Variants in GPM6A observed in about 807,000 individuals in gnomAD.
GPM6A encodes glycoprotein M6A, also known as neuronal membrane glycoprotein M6-a.
A neutral mutation model predicts 32.1 loss-of-function variants in GPM6A; 7 were observed. The observed-to-expected ratio is 0.22, with a 90% CI of 0.12 to 0.41. The LOEUF is 0.41. GPM6A is among the 10% of genes least tolerant of loss of function. The probability of loss-of-function intolerance (pLI) is 1.00; values close to 1 mark genes in which losing one functional copy is unlikely to be tolerated. For missense variants in GPM6A, 235 were observed against 347.2 expected (o/e 0.68, Z 2.57); for synonymous variants, 130 against 123.4 (o/e 1.05, Z -0.35).
At chr4:175,809,268 T>C (rs1734818836) in intron 1 of GPM6A, among the ~76,000 whole-genome samples, 2 of 152,234 alleles carry the variant, frequency 1.3e-5, no homozygotes, top group South Asian at 4.1e-4. Flanking sequence ...CTGTAGTAAC[T>C]GGGGTCCTTG....
chr4:175,850,133 G>A (rs535637391), intron 1 of GPM6A, among the ~76,000 whole-genome samples: 1 of 152,204 alleles, frequency 6.6e-6, no homozygotes, highest in Admixed American at 6.5e-5. Flanking sequence ...CACGAAAGAA[G>A]ACAACCTTCT....
intron 1 of GPM6A, among the ~76,000 whole-genome samples, chr4:175,889,262 T>C (rs565670588): frequency 1.4e-3 from 216 of 152,242 alleles, no homozygotes; most frequent in African/African-American, 5.0e-3. Context: ...AAACAATTTT[T>C]TTAAGACTGA....
upstream of GPM6A, among the ~76,000 whole-genome samples, chr4:175,813,373 C>G (rs1735003735): frequency 6.6e-6 from 1 of 152,172 alleles, no homozygotes; most frequent in Non-Finnish European, 1.5e-5. Context: ...AGTGACAGGG[C>G]ACAGTCCAAG....
chr4:175,910,087 T>A (rs1028628819), intron 1 of GPM6A, among the ~76,000 whole-genome samples: 1 of 152,148 alleles, frequency 6.6e-6, no homozygotes, highest in Non-Finnish European at 1.5e-5. Flanking sequence ...TTCTGTGGCA[T>A]AAATATGTCC....
At chr4:175,833,039 A>C (rs942171165) in intron 1 of GPM6A, among the ~76,000 whole-genome samples, 2 of 152,246 alleles carry the variant, frequency 1.3e-5, no homozygotes, top group Non-Finnish European at 2.9e-5. Context: ...CAGAAAGAAG[A>C]AGCATTTCCA....
At position 175,701,777 on chromosome 4, in the gene GPM6A, A is replaced by G; in HGVS notation, c.38-10T>C. On this transcript the variant is annotated splice_polypyrimidine_tract_variant and intron_variant, in intron 1 of 6. Transcript: ENST00000393658. ...CAGCATTCAAAACACCCTGTAGAAG[A>G]TCACAAAGGGAGAAATTCATATTTT... 1 of 1,570,764 alleles carries G rather than the reference A, an allele frequency of 6.4e-7. No homozygotes were observed. Among genetic ancestry groups the G allele is most frequent in the Middle Eastern group, 1.7e-4 (1 of 5,906 alleles).
At chr4:175,938,741 A>G (rs956699900) in intron 1 of GPM6A, among the ~76,000 whole-genome samples, 1 of 151,680 alleles carries the variant, frequency 6.6e-6, no homozygotes, top group South Asian at 2.1e-4. Context: ...TAAAACCAAA[A>G]AAAAAAAAGA....
At chr4:175,640,669 T>C in intron 5 of GPM6A, 84 bp downstream of exon 5, 1 of 917,582 alleles carries the variant, frequency 1.1e-6, no homozygotes, top group Non-Finnish European at 1.7e-6. Flanking sequence ...AAAGTCAATA[T>C]AGATTTAGTT....
At chr4:175,876,040 G>A (rs1737074061) in intron 1 of GPM6A, among the ~76,000 whole-genome samples, 2 of 152,190 alleles carry the variant, frequency 1.3e-5, no homozygotes, top group Non-Finnish European at 1.5e-5. Flanking sequence ...GACTGGATAA[G>A]TCAGATAACC....
intron 1 of GPM6A, among the ~76,000 whole-genome samples, chr4:175,970,536 CAG>C (rs1156644311): frequency 1.3e-5 from 2 of 152,124 alleles, no homozygotes; most frequent in Non-Finnish European, 2.9e-5. Flanking sequence ...AAGGAATACA[CAG>C]AAAGAGTTGG....
At chr4:175,914,133 G>A (rs958674341) in intron 1 of GPM6A, among the ~76,000 whole-genome samples, 1 of 151,210 alleles carries the variant, frequency 6.6e-6, no homozygotes, top group Admixed American at 6.6e-5. Context: ...TGGGCAGGAG[G>A]GGAAAGAGAA....
chr4:175,907,170 C>T (rs900807329), intron 1 of GPM6A: 10 of 152,256 alleles, frequency 6.6e-5, no homozygotes, highest in Admixed American at 6.6e-4. Context: ...ACACCTGCTG[C>T]CTCAGAACAC....
intron 1 of GPM6A, among the ~76,000 whole-genome samples, chr4:175,928,364 C>A (rs17062271): frequency 2.0e-5 from 3 of 152,058 alleles, no homozygotes; most frequent in Admixed American, 6.5e-5. Flanking sequence ...CTTGCTCTAG[C>A]GATACAAGCC....
chr4:175,793,329 A>C (rs1278035662), intron 1 of GPM6A, among the ~76,000 whole-genome samples: 1 of 151,814 alleles, frequency 6.6e-6, no homozygotes, highest in African/African-American at 2.4e-5. Context: ...ACATTCTGGA[A>C]TAGTCTGTAA....
At chr4:175,705,153 T>C (rs1745105850) in intron 1 of GPM6A, among the ~76,000 whole-genome samples, 1 of 152,132 alleles carries the variant, frequency 6.6e-6, no homozygotes, top group African/African-American at 2.4e-5. Flanking sequence ...GCTTTCAAAT[T>C]TAGAAAGAAA....
chr4:175,800,876 G>T (rs969162610), intron 1 of GPM6A: 20 of 197,614 alleles, frequency 1.0e-4, no homozygotes, highest in African/African-American at 4.5e-4. Context: ...ATTGAGTCAT[G>T]CCACATGTAT....
At chr4:175,826,140 C>T (rs1392841737) in intron 1 of GPM6A, among the ~76,000 whole-genome samples, 1 of 151,600 alleles carries the variant, frequency 6.6e-6, no homozygotes, top group Non-Finnish European at 1.5e-5. Context: ...AGCCTGGGTA[C>T]CAAAGGGAGA....
chr4:175,648,123 A>T (rs1208465373), intron 4 of GPM6A, among the ~76,000 whole-genome samples: 3 of 151,740 alleles, frequency 2.0e-5, no homozygotes, highest in African/African-American at 7.3e-5. Flanking sequence ...CTTTTTTTAA[A>T]AAAAAAAGAC....
chr4:175,760,139 A>G (rs965407412), intron 1 of GPM6A, among the ~76,000 whole-genome samples: 2 of 152,080 alleles, frequency 1.3e-5, no homozygotes, highest in Non-Finnish European at 2.9e-5. Flanking sequence ...TCACTCCGCT[A>G]TACTCCAGCC....
Sources: gnomAD v4.1 joint callset for allele counts (sites outside exome capture counted in the v4.1 genomes callset) on GRCh38, gnomAD v4.1.1 for gene constraint, MANE v1.5 for transcripts, NCBI Gene and HGNC (gene_info 2026-07-23, HGNC 2026-07-21) for gene names.